RTEL1: variants seen among roughly 807,000 people sequenced by gnomAD.
RTEL1 encodes the protein regulator of telomere elongation helicase 1, also known as regulator of telomere length.
A neutral mutation model predicts 162.2 loss-of-function variants in RTEL1; 86 were observed. The observed-to-expected ratio is 0.53, with a 90% CI of 0.45 to 0.63. The LOEUF (loss-of-function observed/expected upper bound fraction) is 0.63. Among genes scored for constraint, RTEL1 ranks in the 30% least tolerant of loss-of-function variants. The pLI, the probability that RTEL1 is intolerant of heterozygous loss-of-function variation, is 0.00. For missense variants in RTEL1, 1,941 were observed against 1,750.2 expected (o/e 1.11, Z -1.95); for synonymous variants, 958 against 717.9 (o/e 1.33, Z -5.35).
rs756311232 is a variant in RTEL1, at chr20:63,661,490, C to A, written c.295C>A (p.Pro99Thr). 1 of 1,610,280 alleles carries A rather than the reference C, an allele frequency of 6.2e-7. No individual in the cohort carries two copies. Among genetic ancestry groups the A allele is most frequent in the Non-Finnish European group, 8.5e-7 (1 of 1,179,880 alleles). ...WGNAAAAAGD[P>T]IACYTDIPKI... ...CAACGCTGCTGCTGCTGCTGGAGACCCCATAGGTGACCCTAGTTCCCAGGC... is the reference window on the plus strand; with the variant it reads ...CAACGCTGCTGCTGCTGCTGGAGACACCATAGGTGACCCTAGTTCCCAGGC... The change falls in exon 3 of 35, where the codon CCC (proline) becomes ACC (threonine). Residue 99 changes from proline (P) to threonine (T), a missense_variant. Pro to Thr is a conservative substitution (Grantham distance 38). Transcript: ENST00000360203. The surrounding 1 kb of genome is among the most constrained non-coding windows in gnomAD (Gnocchi z 5.1).
chr20:63,688,710 G>A (rs1311320190), intron 21 of RTEL1, 105 bp downstream of exon 21: 4 of 1,020,832 alleles, frequency 3.9e-6, no homozygotes, highest in Admixed American at 4.8e-5. Flanking sequence ...GGCTCCGGCG[G>A]CTCCCGCTGC....
intron 8 of RTEL1, 23 bp from the exon 9 acceptor site, chr20:63,672,533 C>T (rs199928268): frequency 1.8e-5 from 28 of 1,557,370 alleles, no homozygotes; most frequent in African/African-American, 1.5e-4. Context: ...TCCAGCGCTG[C>T]GTCCCTTCTC....
chr20:63,679,914 C>A lies in RTEL1; in HGVS notation c.1103C>A (p.Ser368Ter). 6.2e-7 allele frequency: 1 copy of A among 1,612,612 alleles called. No homozygotes were observed. The highest frequency in any genetic ancestry group is 8.5e-7 in the Non-Finnish European group (1 of 1,179,886). Residue 368 changes from serine to a stop codon, truncating the protein, a stop_gained, in exon 13 of 35, where the codon TCG becomes TAG. Coordinates refer to ENST00000360203, the MANE Select transcript of RTEL1 (RefSeq NM_001283009.2). LOFTEE classifies it high-confidence loss of function. ...CAGACCAAGGGCTGCATCCTGGACT[C>A]GCTGGACCAGATCATCCAGCACCTG... ...TFQTKGCILD[S>*]LDQIIQHLAG...
chr20:63,659,319 A>G lies in RTEL1; in HGVS notation c.-84A>G. The G allele has an allele frequency of 1.1e-6, 1 of 903,278 alleles. No homozygotes were observed. The allele number at this position is 903,278 out of a possible 1,614,324, so 56.0% of individuals were successfully genotyped here. A position where few individuals can be genotyped will look rare whatever the true frequency, so the allele number is the denominator to read the frequency against. ...GCTTACCAGGAGTGCCCGAGACCCT[A>G]AGATGTTCGGAGTGGTTTTTTCGCA... On this transcript the variant is annotated 5_prime_UTR_variant, in exon 2 of 35. Transcript: ENST00000360203.
At chr20:63,683,155 G>A (rs1181854136) in intron 14 of RTEL1, among the ~76,000 whole-genome samples, 1 of 152,180 alleles carries the variant, frequency 6.6e-6, no homozygotes, top group Non-Finnish European at 1.5e-5. Context: ...TTGTAGAGAT[G>A]AGGTCTTGCC....
At chr20:63,662,378 C>A (rs1020057083) in intron 4 of RTEL1, 168 bp from the exon 5 acceptor site, 1 of 1,379,320 alleles carries the variant, frequency 7.2e-7, no homozygotes, top group Non-Finnish European at 1.0e-6. Flanking sequence ...CTGTCCAGTA[C>A]CCCCGCTCGT....
At position 63,659,317 on chromosome 20, in the gene RTEL1, C is replaced by T. The variant is rs759400305; in HGVS notation, c.-86C>T. On this transcript the variant is annotated 5_prime_UTR_variant, in exon 2 of 35. Coordinates refer to ENST00000360203, the MANE Select transcript of RTEL1 (RefSeq NM_001283009.2). ...TCGCTTACCAGGAGTGCCCGAGACC[C>T]TAAGATGTTCGGAGTGGTTTTTTCG... 3.1e-5 allele frequency: 28 copies of T among 899,182 alleles called. No individual in the cohort carries two copies. Among genetic ancestry groups the T allele is most frequent in the Non-Finnish European group, 5.2e-5 (28 of 538,778 alleles). 55.7% of individuals were successfully genotyped at this position (899,182 alleles called of 1,614,324 possible). A position where few individuals can be genotyped will look rare whatever the true frequency, so the allele number is the denominator to read the frequency against.
chr20:63,667,102 G>C (rs971193977), intron 7 of RTEL1, among the ~76,000 whole-genome samples: 1 of 152,180 alleles, frequency 6.6e-6, no homozygotes, highest in Non-Finnish European at 1.5e-5. Flanking sequence ...GCCTCCCAAA[G>C]TGCTGGGATT....
chr20:63,663,921 C>G (rs972376233), intron 6 of RTEL1, among the ~76,000 whole-genome samples: 2 of 152,198 alleles, frequency 1.3e-5, no homozygotes, highest in African/African-American at 4.8e-5. Context: ...CCAGGCGTTT[C>G]TGGGCCCTGG....
At chr20:63,667,017 T>C (rs1376441344) in intron 7 of RTEL1, among the ~76,000 whole-genome samples, 1 of 151,432 alleles carries the variant, frequency 6.6e-6, no homozygotes, top group Non-Finnish European at 1.5e-5. Context: ...TTTTCTGTAT[T>C]TTTAGTAGAG....
At position 63,678,396 on chromosome 20, in the gene RTEL1, G is replaced by T. The variant is rs767585731; in HGVS notation, c.1037+50G>T. On this transcript the variant is annotated intron_variant, in intron 12 of 34. Coordinates refer to ENST00000360203, the MANE Select transcript of RTEL1 (RefSeq NM_001283009.2). ...TCACTGCAGGCCCAGCCTAGAGCTA[G>T]AAACGGGCCATGGTGCAGTCCTGGG... 4 of 1,545,894 alleles carry T rather than the reference G, an allele frequency of 2.6e-6. No individual in the cohort carries two copies. In the East Asian group the frequency reaches 9.2e-5, roughly 36 times the overall value.
rs369714122 is a variant in RTEL1, at chr20:63,687,688, C to T, written c.1399C>T (p.Leu467=). The T allele has an allele frequency of 1.9e-6, 3 of 1,608,720 alleles. No homozygotes were observed. The highest frequency in any genetic ancestry group is 2.2e-5 in the South Asian group (2 of 90,510). ...CFSPGHSMHE[L]VRQGVRSLIL... is the part of the protein sequence containing the mutation. Reference sequence around the variant, plus strand: ...CAGTCCCGGCCACAGCATGCACGAGCTGGTCCGCCAGGGCGTCCGCTCCCT... The same window carrying T: ...CAGTCCCGGCCACAGCATGCACGAGTTGGTCCGCCAGGGCGTCCGCTCCCT... Residue 467 remains leucine (L), a synonymous_variant, in exon 17 of 35, where the codon CTG becomes TTG. Transcript: ENST00000360203.
Position 63,693,233 on chromosome 20 carries a change from A to G in RTEL1, c.2942A>G (p.Glu981Gly), listed in dbSNP as rs1465465601. ...GGACGAGGCTGTGGCTATCGGCCTGAGCACAGCATTCCCCGAAGGCAGCGG... is the reference window on the plus strand; with the variant it reads ...GGACGAGGCTGTGGCTATCGGCCTGGGCACAGCATTCCCCGAAGGCAGCGG... ...LTGRGCGYRP[E>G]HSIPRRQRAQ... The change falls in exon 30 of 35, where the codon GAG (glutamate) becomes GGG (glycine). Residue 981 changes from glutamate to glycine, a missense_variant. By Grantham distance (98) the Glu-to-Gly change is moderately conservative. Coordinates refer to ENST00000360203, the MANE Select transcript of RTEL1 (RefSeq NM_001283009.2). The G allele has an allele frequency of 1.2e-6, 2 of 1,611,918 alleles. No individual in the cohort carries two copies. The highest frequency in any genetic ancestry group is 1.3e-5 in the African/African-American group (1 of 74,830).
chr20:63,660,104 C>G (rs2089988376), intron 2 of RTEL1, among the ~76,000 whole-genome samples: 2 of 152,338 alleles, frequency 1.3e-5, no homozygotes, highest in African/African-American at 2.4e-5. Flanking sequence ...CCTCCTGCCA[C>G]AGGGCGGCTT....
chr20:63,665,062 TG>T, intron 6 of RTEL1: 1 of 155,420 alleles, frequency 6.4e-6, no homozygotes, highest in Non-Finnish European at 1.4e-5. Context: ...CTGCCTTCCC[TG>T]CTATCCCTGG....
At position 63,690,785 on chromosome 20, in the gene RTEL1, G is replaced by T. The variant is rs376268681; in HGVS notation, c.2414-20G>T. On this transcript the variant is annotated intron_variant, in intron 26 of 34. Coordinates refer to ENST00000360203, the MANE Select transcript of RTEL1 (RefSeq NM_001283009.2). ...TGGGGCCCCCCGTGGGCTTCACTGC[G>T]CACTCGGGTGCCCCTGCAGGGTCAC... 7 of 1,590,974 alleles carry T rather than the reference G, an allele frequency of 4.4e-6. No homozygotes were observed. Among genetic ancestry groups the T allele is most frequent in the Non-Finnish European group, 6.0e-6 (7 of 1,170,620 alleles).
intron 14 of RTEL1, chr20:63,682,707 G>A: frequency 1.0e-6 from 1 of 985,486 alleles, no homozygotes; most frequent in Non-Finnish European, 1.2e-6. Flanking sequence ...CTGCAGCCCT[G>A]AGTCACAGGT....
intron 8 of RTEL1, among the ~76,000 whole-genome samples, chr20:63,672,061 T>G (rs1193230844): frequency 6.7e-6 from 1 of 148,348 alleles, no homozygotes; most frequent in Non-Finnish European, 1.5e-5. Flanking sequence ...TTTTTGTATT[T>G]TTAGTAGAGA....
chr20:63,676,823 T>C (rs181739606), intron 10 of RTEL1, among the ~76,000 whole-genome samples: 7 of 152,248 alleles, frequency 4.6e-5, no homozygotes, highest in Admixed American at 6.5e-5. Flanking sequence ...TAATCCCAGC[T>C]ACTTGGGAGG....
Sources: allele counts gnomAD v4.1 joint callset (sites outside exome capture counted in the v4.1 genomes callset), GRCh38; gene constraint gnomAD v4.1.1; non-coding constraint Gnocchi (gnomAD v3.1); transcripts MANE v1.5; gene names NCBI Gene and HGNC (gene_info 2026-07-23, HGNC 2026-07-21).